Variants in ZNF439 observed in about 807,000 individuals in gnomAD.
ZNF439 encodes zinc finger protein 439.
A neutral mutation model predicts 47.3 loss-of-function variants in ZNF439; 40 were observed. The ratio of observed to expected loss-of-function variants is 0.85; its 90% confidence interval spans 0.66 to 1.10. ZNF439 has a LOEUF of 1.10. ZNF439 is among the 50% of genes least tolerant of loss of function. The pLI, the probability that ZNF439 is intolerant of heterozygous loss-of-function variation, is 0.00. For synonymous variants in ZNF439, 171 were observed against 198.8 expected (o/e 0.86, Z 1.18); for missense variants, 556 against 601.1 (o/e 0.93, Z 0.78).
rs1976732422 is a variant in ZNF439, at chr19:11,867,715, T to C, written c.661T>C (p.Cys221Arg). 6 of 1,614,090 alleles carry C rather than the reference T, an allele frequency of 3.7e-6. No individual in the cohort carries two copies. Reference sequence around the variant, plus strand: ...GCACAGTGGGGATGGACCTTATAAATGTAAGTTTTGTGGGAAAGCATTCCA... The same window carrying C: ...GCACAGTGGGGATGGACCTTATAAACGTAAGTTTTGTGGGAAAGCATTCCA... ...VVHSGDGPYK[C>R]KFCGKAFHCL... The change falls in exon 4 of 4, where the codon TGT (cysteine) becomes CGT (arginine). Residue 221 changes from cysteine (C) to arginine (R), a missense_variant. Coordinates refer to ENST00000682736, the MANE Select transcript of ZNF439 (RefSeq NM_001348719.2).
intron 1 of ZNF439, chr19:11,849,395 G>GAA: frequency 1.5e-6 from 1 of 679,986 alleles, no homozygotes; most frequent in Non-Finnish European, 1.8e-6. Flanking sequence ...TTTGTCAACG[G>GAA]AAAAAAAACA....
In ZNF439 at chr19:11,867,514, G is replaced by T; in HGVS notation, c.460G>T (p.Glu154Ter). 2 of 1,614,136 alleles carry T rather than the reference G, an allele frequency of 1.2e-6. No homozygotes were observed. The highest frequency in any genetic ancestry group is 1.7e-6 in the Non-Finnish European group (2 of 1,180,014). ...AGGTGACACTGGACACAAGGCATGTGAATGTCAGGAATATGGACCAAAGCC... is the reference window on the plus strand; with the variant it reads ...AGGTGACACTGGACACAAGGCATGTTAATGTCAGGAATATGGACCAAAGCC... Reference protein sequence around the residue: ...IRGDTGHKACECQEYGPKPWK... With the variant: ...IRGDTGHKAC Residue 154 changes from glutamate (E) to a stop codon, truncating the protein, a stop_gained, in exon 4 of 4, where the codon GAA (glutamate) becomes TAA (stop). Transcript: ENST00000682736. LOFTEE classifies it high-confidence loss of function.
chr19:11,852,352 G>C (rs918361213), intron 1 of ZNF439, among the ~76,000 whole-genome samples: 2 of 152,196 alleles, frequency 1.3e-5, no homozygotes, highest in Non-Finnish European at 2.9e-5. Context: ...TTATAAAACA[G>C]TATAGGTAAG....
chr19:11,856,497 A>G (rs1599314761), intron 1 of ZNF439: 3 of 152,260 alleles, frequency 2.0e-5, no homozygotes, highest in East Asian at 3.8e-4. Context: ...CCTGTTTGGC[A>G]TGTAGAATGC....
intron 1 of ZNF439, chr19:11,856,213 A>G (rs758871390): frequency 1.3e-5 from 2 of 152,242 alleles, no homozygotes; most frequent in Non-Finnish European, 2.9e-5. Context: ...AAATAAGGCT[A>G]AATGTAATTT....
At chr19:11,860,676 G>A (rs1327573550) in intron 1 of ZNF439, among the ~76,000 whole-genome samples, 4 of 152,190 alleles carry the variant, frequency 2.6e-5, no homozygotes, top group Non-Finnish European at 1.5e-5. Flanking sequence ...GTGAACAAGG[G>A]CCCTGAGCTT....
intron 1 of ZNF439, chr19:11,849,404 C>CA (rs1976168905): frequency 1.6e-6 from 1 of 621,394 alleles, no homozygotes; most frequent in Non-Finnish European, 2.0e-6. Context: ...GGAAAAAAAA[C>CA]AGACTATGTA....
Position 11,868,558 on chromosome 19 carries a change from A to G in ZNF439, c.1504A>G (p.Lys502Glu). 1.2e-6 allele frequency: 2 copies of G among 1,606,042 alleles called. No homozygotes were observed. Among genetic ancestry groups the G allele is most frequent in the South Asian group, 2.2e-5 (2 of 90,246 alleles). ...AACACATAAGAATGCACTCTGGAGA[A>G]AGACCTTATAAATATAAGATATATG... ...TQTHKNALWRKTL is the reference protein window; with the variant it reads ...TQTHKNALWRETL Residue 502 changes from lysine to glutamate, a missense_variant, in exon 4 of 4, where the codon AAG becomes GAG. Lys to Glu is a moderately conservative substitution (Grantham distance 56, BLOSUM62 1). Coordinates refer to ENST00000682736, the MANE Select transcript of ZNF439 (RefSeq NM_001348719.2).
intron 1 of ZNF439, among the ~76,000 whole-genome samples, chr19:11,864,124 T>C (rs1322489853): frequency 6.6e-6 from 1 of 152,226 alleles, no homozygotes; most frequent in Non-Finnish European, 1.5e-5. Flanking sequence ...CCATTTATGC[T>C]AGAGGTTGCA....
Position 11,866,294 on chromosome 19 carries a change from A to G in ZNF439, c.153A>G (p.Glu51=). The change falls in exon 2 of 4, where the codon GAA becomes GAG. Residue 51 remains glutamate (E), a synonymous_variant. Transcript: ENST00000682736. ...LDISQKNLYR[E]VMLETFWNLT... ...TTTCCCAGAAGAATCTCTACAGGGAAGTGATGCTGGAAACTTTCTGGAACC... is the reference window on the plus strand; with the variant it reads ...TTTCCCAGAAGAATCTCTACAGGGAGGTGATGCTGGAAACTTTCTGGAACC... 6.2e-7 allele frequency: 1 copy of G among 1,614,168 alleles called. No homozygotes were observed. The highest frequency in any genetic ancestry group is 8.5e-7 in the Non-Finnish European group (1 of 1,180,016).
At position 11,867,541 on chromosome 19, in the gene ZNF439, T is replaced by G; in HGVS notation, c.487T>G (p.Trp163Gly). ...ATGTCAGGAATATGGACCAAAGCCA[T>G]GGAAGAGTCAACAACCTAAAAAAGC... ...CECQEYGPKP[W>G]KSQQPKKAFR... Residue 163 changes from tryptophan to glycine, a missense_variant, in exon 4 of 4, where the codon TGG (tryptophan) becomes GGG (glycine). Transcript: ENST00000682736. 6.2e-7 allele frequency: 1 copy of G among 1,614,114 alleles called. No individual in the cohort carries two copies. Among genetic ancestry groups the G allele is most frequent in the African/African-American group, 1.3e-5 (1 of 75,018 alleles).
intron 1 of ZNF439, chr19:11,849,144 C>G (rs1976158665): frequency 9.7e-6 from 11 of 1,139,392 alleles, no homozygotes; most frequent in Non-Finnish European, 1.1e-5. Context: ...GCCTTGGCCC[C>G]GAAGCCCTTT....
At chr19:11,854,504 A>G (rs1452995960) in intron 1 of ZNF439, among the ~76,000 whole-genome samples, 1 of 152,254 alleles carries the variant, frequency 6.6e-6, no homozygotes, top group East Asian at 1.9e-4. Flanking sequence ...TCACGCCTGT[A>G]ATCCCAGCAC....
chr19:11,849,151 C>T (rs1165389399), intron 1 of ZNF439: 13 of 1,125,980 alleles, frequency 1.2e-5, no homozygotes, highest in Non-Finnish European at 1.4e-5. Context: ...CCCCGAAGCC[C>T]TTTTGTGCAG....
intron 1 of ZNF439, among the ~76,000 whole-genome samples, chr19:11,865,738 A>C (rs11672823): frequency 0.21 from 30,431 of 144,740 alleles, 4,290 homozygotes; most frequent in Non-Finnish European, 0.3. Context: ...AAAAAAAAAA[A>C]AATTGCTGTC....
At chr19:11,864,598 C>T (rs1329368538) in intron 1 of ZNF439, among the ~76,000 whole-genome samples, 1 of 151,884 alleles carries the variant, frequency 6.6e-6, no homozygotes, top group Non-Finnish European at 1.5e-5. Context: ...CGCCTGGCTG[C>T]TACCGTGATT....
chr19:11,851,703 A>G (rs1429103790), intron 1 of ZNF439, among the ~76,000 whole-genome samples: 1 of 151,438 alleles, frequency 6.6e-6, no homozygotes, highest in Non-Finnish European at 1.5e-5. Context: ...TCTGTGGCCC[A>G]GGCTGGAGCA....
At chr19:11,862,467 T>C (rs767531468) in intron 1 of ZNF439, among the ~76,000 whole-genome samples, 23 of 152,120 alleles carry the variant, frequency 1.5e-4, no homozygotes, top group Admixed American at 6.5e-5. Context: ...TTGGCAGTTA[T>C]GAGTAAGGCT....
At chr19:11,865,757 G>C (rs1158962500) in intron 1 of ZNF439, among the ~76,000 whole-genome samples, 1 of 149,690 alleles carries the variant, frequency 6.7e-6, no homozygotes, top group Admixed American at 6.7e-5. Flanking sequence ...TCTGGGTGTG[G>C]TGGCTCATGC....
Sources: allele counts gnomAD v4.1 joint callset (sites outside exome capture counted in the v4.1 genomes callset), GRCh38; gene constraint gnomAD v4.1.1; transcripts MANE v1.5; gene names NCBI Gene and HGNC (gene_info 2026-07-23, HGNC 2026-07-21).